The following PDE1A variants were observed in gnomAD, a reference collection of about 807,000 sequenced individuals.
PDE1A encodes the protein phosphodiesterase 1A, also known as dual specificity calcium/calmodulin-dependent 3',5'-cyclic nucleotide phosphodiesterase 1A.
In PDE1A, 35 loss-of-function variants were observed where a neutral mutation model predicts 61.7. That is an observed-to-expected ratio of 0.57 (90% CI 0.43 to 0.75). The LOEUF is 0.75. Ranked by LOEUF, PDE1A falls within the 30% of genes least tolerant of loss-of-function variation. The probability of loss-of-function intolerance (pLI) is 0.00; values close to 1 mark genes in which losing one functional copy is unlikely to be tolerated. For synonymous variants in PDE1A, 232 were observed against 213.2 expected (o/e 1.09, Z -0.77); for missense variants, 597 against 630.6 (o/e 0.95, Z 0.57).
At chr2:182,319,046 G>A (rs576021885) in intron 1 of PDE1A, among the ~76,000 whole-genome samples, 27 of 152,086 alleles carry the variant, frequency 1.8e-4, no homozygotes, top group Admixed American at 5.9e-4. Flanking sequence ...TTCATGTTTT[G>A]AAAATGCAAG....
intron 1 of PDE1A, among the ~76,000 whole-genome samples, chr2:182,332,859 CA>C (rs1289152856): frequency 1.3e-5 from 2 of 151,338 alleles, no homozygotes; most frequent in African/African-American, 4.9e-5. Flanking sequence ...CACATAGGCT[CA>C]AAATAAAGTG....
intron 2 of PDE1A, among the ~76,000 whole-genome samples, chr2:182,462,543 A>G (rs1019233956): frequency 1.3e-5 from 2 of 151,734 alleles, no homozygotes; most frequent in African/African-American, 2.4e-5. Flanking sequence ...TGAAGAAGGG[A>G]AAAAAAAGGA....
intron 2 of PDE1A, among the ~76,000 whole-genome samples, chr2:182,476,895 A>T (rs1366357530): frequency 1.6e-5 from 2 of 123,472 alleles, no homozygotes; most frequent in African/African-American, 3.2e-5. Flanking sequence ...AGGTTTTCAT[A>T]AAAAAAAAAA....
chr2:182,577,990 A>AGGAAGGAAGGAAGGG, the PDE1A span, among the ~76,000 whole-genome samples: 1 of 137,500 alleles, frequency 7.3e-6, no homozygotes, highest in African/African-American at 2.9e-5. Context: ...GGAAGGAAGG[A>AGGAAGGAAGGAAGGG]AGGGACGGAG....
chr2:182,681,537 C>T, the PDE1A span, among the ~76,000 whole-genome samples: 1 of 146,090 alleles, frequency 6.8e-6, no homozygotes, highest in Non-Finnish European at 1.5e-5. Flanking sequence ...TTGAACACTA[C>T]AGTGATGTTT....
intron 2 of PDE1A, among the ~76,000 whole-genome samples, chr2:182,454,009 C>T (rs1043407269): frequency 1.3e-5 from 2 of 151,938 alleles, no homozygotes; most frequent in African/African-American, 4.8e-5. Context: ...GACTGTATAT[C>T]TAGAAAACCC....
At chr2:182,626,884 C>CATATATATACATATATATAT in the PDE1A span, among the ~76,000 whole-genome samples, 1 of 18,504 alleles carries the variant, frequency 5.4e-5, no homozygotes, top group Non-Finnish European at 1.1e-4. Context: ...TATATATATA[C>CATATATATACATATATATAT]ACATATATAT....
chr2:182,338,937 T>G (rs1698012425), intron 1 of PDE1A, among the ~76,000 whole-genome samples: 1 of 152,226 alleles, frequency 6.6e-6, no homozygotes, highest in Non-Finnish European at 1.5e-5. Context: ...GTAACTAGAC[T>G]GAATTTAATG....
chr2:182,156,536 C>A (rs1400838693), intron 13 of PDE1A, among the ~76,000 whole-genome samples: 1 of 152,132 alleles, frequency 6.6e-6, no homozygotes, highest in Non-Finnish European at 1.5e-5. Context: ...TGGAAAAGCA[C>A]AACAGTGAAG....
chr2:182,249,670 C>T lies in PDE1A; in HGVS notation c.168-9378G>A, dbSNP rs1406657367. On this transcript the variant is annotated intron_variant, in intron 2 of 13. Coordinates refer to ENST00000351439, the Ensembl canonical transcript of PDE1A. ...CTAGGAGAGTCCATTAGTATTATCT[C>T]TTTGATTAACCTATGTCTGCGTTCT... is the stretch of plus-strand genomic sequence containing the variant. Among the ~76,000 whole-genome samples, 7 of 152,068 alleles carry T rather than the reference C, an allele frequency of 4.6e-5. No homozygotes were observed. The East Asian group carries it at 1.4e-3, about 30-fold the overall frequency.
At chr2:182,360,082 T>C (rs1399728926) in intron 1 of PDE1A, among the ~76,000 whole-genome samples, 1 of 152,108 alleles carries the variant, frequency 6.6e-6, no homozygotes, top group Non-Finnish European at 1.5e-5. Flanking sequence ...TGCATGACTC[T>C]GGGCTCCTTT....
chr2:182,339,802 T>C (rs2125027266), intron 1 of PDE1A, among the ~76,000 whole-genome samples: 1 of 152,322 alleles, frequency 6.6e-6, no homozygotes, highest in Non-Finnish European at 1.5e-5. Flanking sequence ...AATTTTGATT[T>C]AGCAGGTCTA....
At chr2:182,516,683 A>C (rs1339751325) in intron 2 of PDE1A, among the ~76,000 whole-genome samples, 2 of 130,990 alleles carry the variant, frequency 1.5e-5, no homozygotes, top group African/African-American at 3.0e-5. Context: ...GAAGGAGGGA[A>C]GGAGGGAAGG....
intron 1 of PDE1A, among the ~76,000 whole-genome samples, chr2:182,291,400 C>A (rs546116230): frequency 6.6e-6 from 1 of 152,288 alleles, no homozygotes; most frequent in East Asian, 1.9e-4. Flanking sequence ...CCTACTGATG[C>A]AGGGTTAATC....
chr2:182,214,369 T>C (rs1687963791), intron 7 of PDE1A, among the ~76,000 whole-genome samples: 1 of 150,086 alleles, frequency 6.7e-6, no homozygotes, highest in Non-Finnish European at 1.5e-5. Flanking sequence ...ACGAGCAAAA[T>C]AACCAGCCAA....
the PDE1A span, among the ~76,000 whole-genome samples, chr2:182,706,099 T>C: frequency 6.6e-6 from 1 of 152,180 alleles, no homozygotes; most frequent in East Asian, 1.9e-4. Context: ...CTATCAGGTA[T>C]AACAAATCCA....
At chr2:182,639,091 T>C in the PDE1A span, among the ~76,000 whole-genome samples, 1 of 152,192 alleles carries the variant, frequency 6.6e-6, no homozygotes, top group Non-Finnish European at 1.5e-5. Context: ...AAGAGGAACA[T>C]ACATCATAAG....
chr2:182,662,071 G>C, the PDE1A span, among the ~76,000 whole-genome samples: 6 of 151,840 alleles, frequency 4.0e-5, no homozygotes, highest in Non-Finnish European at 7.4e-5. Context: ...AAATATGATA[G>C]GGGAGAGGGG....
the PDE1A span, among the ~76,000 whole-genome samples, chr2:182,629,724 T>C: frequency 6.6e-6 from 1 of 152,232 alleles, no homozygotes; most frequent in Non-Finnish European, 1.5e-5. Context: ...TCATTGGTGC[T>C]ATTATTTTTA....
Sources: allele counts gnomAD v4.1 joint callset (sites outside exome capture counted in the v4.1 genomes callset), GRCh38; gene constraint gnomAD v4.1.1; transcripts MANE v1.5; gene names NCBI Gene and HGNC (gene_info 2026-07-23, HGNC 2026-07-21).